DNAH17: variants seen among roughly 807,000 people sequenced by gnomAD.
The protein encoded by DNAH17 is dynein axonemal heavy chain 17, also known as axonemal beta dynein heavy chain 17.
DNAH17 carries 376 observed loss-of-function variants against 485.6 expected under a neutral mutation model. The ratio of observed to expected loss-of-function variants is 0.77; its 90% CI spans 0.71 to 0.84. DNAH17 has a LOEUF of 0.84. Among genes scored for constraint, DNAH17 ranks in the 40% least tolerant of loss-of-function variants. DNAH17 has a pLI of 0.00. For missense variants in DNAH17, 6,370 were observed against 5,839.3 expected, an observed-to-expected ratio of 1.09 and a Z score of -2.96; for synonymous variants, 3,031 against 2,405.9, an observed-to-expected ratio of 1.26 and a Z score of -7.60.
rs746966156 is a variant in DNAH17, at chr17:78,426,452, C to T, written c.12915+5G>A. The T allele has an allele frequency of 3.1e-6, 5 of 1,592,400 alleles. No individual in the cohort carries two copies. The highest frequency in any genetic ancestry group is 3.4e-6 in the Non-Finnish European group (4 of 1,169,278). On this transcript the variant is annotated splice_donor_5th_base_variant and intron_variant, in intron 79 of 80. Coordinates refer to ENST00000389840, the MANE Select transcript of DNAH17 (RefSeq NM_173628.4). ...AGGAAGCCTCTCAGAGAAAACGGCACTTACCCTGATGCGGAGCAGCAGGTC... is the reference window on the plus strand; with the variant it reads ...AGGAAGCCTCTCAGAGAAAACGGCATTTACCCTGATGCGGAGCAGCAGGTC...
chr17:78,525,284 T>C lies in DNAH17; in HGVS notation c.3712-123A>G, dbSNP rs2091037861. 7.9e-6 allele frequency: 11 copies of C among 1,386,086 alleles called. No homozygotes were observed. The South Asian group carries it at 1.5e-4, about 19-fold the overall frequency. The allele number at this position is 1,386,086 out of a possible 1,614,324, so 85.9% of individuals were successfully genotyped here. A position where few individuals can be genotyped will look rare whatever the true frequency, so the allele number is the denominator to read the frequency against. On this transcript the variant is annotated intron_variant, in intron 24 of 80. Coordinates refer to ENST00000389840, the MANE Select transcript of DNAH17 (RefSeq NM_173628.4). ...CTGATAAACCTTCTGGGAGGAGGTG[T>C]CCATACAACGGTGTCCCACCTGGAG...
intron 44 of DNAH17, 90 bp from the exon 45 acceptor site, chr17:78,486,596 C>G (rs1255190959): frequency 4.8e-6 from 7 of 1,449,926 alleles, no homozygotes. Context: ...CTACCTCCAC[C>G]CAATTCTGCT....
chr17:78,470,905 G>T (rs765316150), intron 54 of DNAH17, among the ~76,000 whole-genome samples: 3 of 152,162 alleles, frequency 2.0e-5, no homozygotes, highest in African/African-American at 7.2e-5. Context: ...GGTTTCATAG[G>T]AATTTTGCAA....
chr17:78,550,933 T>A (rs1384177642), intron 16 of DNAH17, among the ~76,000 whole-genome samples: 1 of 152,174 alleles, frequency 6.6e-6, no homozygotes, highest in Non-Finnish European at 1.5e-5. Context: ...GAAAATTGAA[T>A]CAGAGCCAGA....
rs568494198 is a variant in DNAH17 at position 78,483,459 on chromosome 17, G to A, written c.7649+1409C>T. 1.4e-3 allele frequency among the ~76,000 whole-genome samples: 207 copies of A among 151,816 alleles called. 1 individual carries two copies. Among genetic ancestry groups the A allele is most frequent in the African/African-American group, 4.4e-3 (184 of 41,350 alleles). ...TGCCTGGCCAATATAGTTAAGCCCC[G>A]TTTCTACTAAAAATACAAAAATTAG... On this transcript the variant is annotated intron_variant, in intron 48 of 80. Transcript: ENST00000389840.
At chr17:78,498,193 A>C (rs56042413) in intron 37 of DNAH17, among the ~76,000 whole-genome samples, 31,043 of 144,708 alleles carry the variant, frequency 0.21, 3,423 homozygotes, top group South Asian at 0.32. Flanking sequence ...ATAAATAAAT[A>C]AAGCAGGCTC....
chr17:78,477,320 T>C (rs1447079405), intron 51 of DNAH17, among the ~76,000 whole-genome samples: 1 of 152,028 alleles, frequency 6.6e-6, no homozygotes, highest in African/African-American at 2.4e-5. Flanking sequence ...AGACAGAGTG[T>C]GAGGGCTGAG....
intron 14 of DNAH17, among the ~76,000 whole-genome samples, chr17:78,556,333 G>A (rs2143607321): frequency 6.6e-6 from 1 of 152,290 alleles, no homozygotes; most frequent in African/African-American, 2.4e-5. Flanking sequence ...TCTAGACGCT[G>A]GAAAAGACAA....
At chr17:78,535,335 A>G (rs545170238) in intron 19 of DNAH17, among the ~76,000 whole-genome samples, 4 of 152,294 alleles carry the variant, frequency 2.6e-5, no homozygotes, top group African/African-American at 7.2e-5. Flanking sequence ...GCCTAAAATC[A>G]CAGCCATCTT....
At position 78,462,971 on chromosome 17, in the gene DNAH17, G is replaced by A; in HGVS notation, c.9047C>T (p.Thr3016Ile). 1.2e-6 allele frequency: 2 copies of A among 1,614,026 alleles called. No homozygotes were observed. Among genetic ancestry groups the A allele is most frequent in the Admixed American group, 3.3e-5 (2 of 60,024 alleles). ...GATCTGCTCCAGAAAGGTTTTGGGT[G>A]TGGTGTAGTTGTAGCGCCTCTCAGT... is the stretch of plus-strand genomic sequence containing the variant. ...LATERRYNYT[T>I]PKTFLEQIKL... The change falls in exon 57 of 81, where the codon ACA becomes ATA. Residue 3016 changes from threonine (T) to isoleucine (I), a missense_variant. Thr to Ile is a moderately conservative substitution (Grantham distance 89, BLOSUM62 -1). Coordinates refer to ENST00000389840, the MANE Select transcript of DNAH17 (RefSeq NM_173628.4).
intron 62 of DNAH17, 94 bp from the exon 63 acceptor site, chr17:78,455,930 A>T (rs780376711): frequency 1.5e-5 from 17 of 1,122,732 alleles, no homozygotes; most frequent in Non-Finnish European, 1.9e-5. Context: ...GAATCTTCAG[A>T]GTTTCCCGTC....
At chr17:78,502,179 AAATC>A in intron 33 of DNAH17, 1 of 414,132 alleles carries the variant, frequency 2.4e-6, no homozygotes, top group Non-Finnish European at 4.4e-6. Context: ...TTTTACATAT[AAATC>A]AATTATACAC....
chr17:78,502,461 C>T (rs767228550), intron 33 of DNAH17, 130 bp downstream of exon 33: 39 of 858,228 alleles, frequency 4.5e-5, no homozygotes, highest in East Asian at 2.8e-5. Context: ...GACGGTTTTG[C>T]GGGGCTCAGC....
At chr17:78,510,225 T>G (rs2090596351) in intron 27 of DNAH17, among the ~76,000 whole-genome samples, 159 bp downstream of exon 27, 1 of 152,122 alleles carries the variant, frequency 6.6e-6, no homozygotes, top group Non-Finnish European at 1.5e-5. Context: ...ATTCCAGAAT[T>G]ATTTTTTAAG....
chr17:78,485,496 C>CGGGGACTGGCG lies in DNAH17; in HGVS notation c.7483+43_7483+53dup, dbSNP rs2089561820. 11 of 1,508,126 alleles carry CGGGGACTGGCG rather than the reference C, an allele frequency of 7.3e-6. 1 individual carries two copies. The highest frequency in any genetic ancestry group is 3.8e-5 in the South Asian group (3 of 79,608). 93.4% of individuals were successfully genotyped at this position (1,508,126 alleles called of 1,614,324 possible). A position where few individuals can be genotyped will look rare whatever the true frequency, so the allele number is the denominator to read the frequency against. ...TGCAGTGAGAGGGGACAGGAGGGAA[C>CGGGGACTGGCG]GGGGACTGGCGGGGGGCAGCCGGGT... On this transcript the variant is annotated intron_variant, in intron 47 of 80. Coordinates refer to ENST00000389840, the MANE Select transcript of DNAH17 (RefSeq NM_173628.4).
chr17:78,566,778 G>A (rs939717074), intron 10 of DNAH17, 48 bp from the exon 11 acceptor site: 2 of 1,479,298 alleles, frequency 1.4e-6, no homozygotes, highest in African/African-American at 2.8e-5. Context: ...TGCAAAGCAA[G>A]CCAAGGGCAC....
At position 78,459,054 on chromosome 17, in the gene DNAH17, C is replaced by T; in HGVS notation, c.9808G>A (p.Ala3270Thr). 6.2e-7 allele frequency: 1 copy of T among 1,614,050 alleles called. No homozygotes were observed. Among genetic ancestry groups the T allele is most frequent in the Non-Finnish European group, 8.5e-7 (1 of 1,179,900 alleles). Reference protein sequence around the residue: ...PKRQALEEANAELAEAQEKLS... With the variant: ...PKRQALEEANTELAEAQEKLS... ...TTCTCTTGTGCCTCTGCCAGCTCTG[C>T]ATTAGCCTCCTCCAGTGCCTGCCTC... The change falls in exon 61 of 81, where the codon GCA (alanine) becomes ACA (threonine). Residue 3270 changes from alanine (A) to threonine (T), a missense_variant. By Grantham distance (58) the Ala-to-Thr change is moderately conservative (BLOSUM62 0). Coordinates refer to ENST00000389840, the MANE Select transcript of DNAH17 (RefSeq NM_173628.4).
chr17:78,449,413 C>T lies in DNAH17; in HGVS notation c.11211+1G>A. The T allele has an allele frequency of 6.5e-7, 1 of 1,548,948 alleles. No individual in the cohort carries two copies. The highest frequency in any genetic ancestry group is 1.2e-5 in the South Asian group (1 of 83,986). On this transcript the variant is annotated splice_donor_variant, in intron 69 of 80. Coordinates refer to ENST00000389840, the MANE Select transcript of DNAH17 (RefSeq NM_173628.4). LOFTEE classifies it high-confidence loss of function. ...CTAGGAACAGTGAGGCTAGACATTA[C>T]CTGAAACGTAACTTGTGCCAGGAAA...
At position 78,559,703 on chromosome 17, in the gene DNAH17, C is replaced by A. The variant is rs139128830; in HGVS notation, c.2031+1037G>T. Among the ~76,000 whole-genome samples, 729 of 152,298 alleles carry A rather than the reference C, an allele frequency of 4.8e-3. 1 individual carries two copies. The highest frequency in any genetic ancestry group is 0.017 in the African/African-American group (703 of 41,540). On this transcript the variant is annotated intron_variant, in intron 13 of 80. Transcript: ENST00000389840. ...AATCGCAGCACACCTCTGTCTGACA[C>A]CCTGCAGGGGCTGCCATCTTGCTCA...
Sources: gnomAD v4.1 joint callset for allele counts (sites outside exome capture counted in the v4.1 genomes callset) on GRCh38, gnomAD v4.1.1 for gene constraint, MANE v1.5 for transcripts, NCBI Gene and HGNC (gene_info 2026-07-23, HGNC 2026-07-21) for gene names.